Variants in FAM89A observed in about 807,000 individuals in gnomAD.
FAM89A encodes the protein family with sequence similarity 89 member A.
Under a neutral mutation model 7.1 loss-of-function variants are expected in FAM89A, and 10 were observed. The ratio of observed to expected loss-of-function variants is 1.40; its 90% CI spans 0.86 to 2.38. The LOEUF is 2.38. Ranked by LOEUF, FAM89A falls within the 30% of genes most tolerant of loss-of-function variation. The pLI, the probability that FAM89A is intolerant of heterozygous loss-of-function variation, is 0.00. For missense variants in FAM89A, 276 were observed against 262.8 expected, an observed-to-expected ratio of 1.05 and a Z score of -0.35; for synonymous variants, 157 against 129.3, an observed-to-expected ratio of 1.21 and a Z score of -1.45.
chr1:231,035,836 A>C (rs1680149583), intron 1 of FAM89A, among the ~76,000 whole-genome samples: 1 of 152,202 alleles, frequency 6.6e-6, no homozygotes, highest in Admixed American at 6.5e-5. Context: ...CATTTTTGCA[A>C]ACTGTCCTTT....
At chr1:231,037,944 C>G (rs1237586990) in intron 1 of FAM89A, among the ~76,000 whole-genome samples, 1 of 152,044 alleles carries the variant, frequency 6.6e-6, no homozygotes, top group African/African-American at 2.4e-5. Flanking sequence ...TGACGTCAGG[C>G]CTTCAATTTA....
chr1:231,019,947 G>A lies in FAM89A; in HGVS notation c.471C>T (p.Asp157=), dbSNP rs751532439. Residue 157 remains aspartate (D), a synonymous_variant, in exon 2 of 2, where the codon GAC becomes GAT. Coordinates refer to ENST00000366654, the MANE Select transcript of FAM89A (RefSeq NM_198552.3). The part of the protein sequence containing the change: ...EYFQEQNSLH[D]RRDRGPPRDL... ...CCCGAGGAGGGCCTCGGTCCCTCCT[G>A]TCGTGCAGGGAGTTCTGCTCCTGGA... is the stretch of plus-strand genomic sequence containing the variant. 6.2e-7 allele frequency: 1 copy of A among 1,614,190 alleles called. No individual in the cohort carries two copies.
chr1:231,023,225 G>A (rs920484350), intron 1 of FAM89A, among the ~76,000 whole-genome samples: 7 of 152,188 alleles, frequency 4.6e-5, no homozygotes, highest in East Asian at 1.9e-4. Context: ...ACCCCGTGCC[G>A]TTTATTTCAG....
chr1:231,026,807 C>T (rs1189517721), intron 1 of FAM89A: 1 of 152,160 alleles, frequency 6.6e-6, no homozygotes, highest in Non-Finnish European at 1.5e-5. Context: ...GCTCTGACGT[C>T]CCTATCTTTG....
intron 1 of FAM89A, among the ~76,000 whole-genome samples, chr1:231,025,197 C>T (rs1214538705): frequency 1.3e-5 from 2 of 152,164 alleles, no homozygotes; most frequent in Non-Finnish European, 2.9e-5. Flanking sequence ...GCTGGGATTA[C>T]AGGCGTGAGC....
At chr1:231,032,745 G>A (rs908479396) in intron 1 of FAM89A, among the ~76,000 whole-genome samples, 5 of 152,166 alleles carry the variant, frequency 3.3e-5, no homozygotes, top group African/African-American at 1.2e-4. Context: ...GCTTTCACCT[G>A]CATCTCAGTC....
chr1:231,021,017 G>A (rs1374320901), intron 1 of FAM89A, among the ~76,000 whole-genome samples: 1 of 152,160 alleles, frequency 6.6e-6, no homozygotes, highest in Non-Finnish European at 1.5e-5. Flanking sequence ...CCTTTAAAGT[G>A]CATGAGAACC....
At chr1:231,027,236 C>T (rs1369210120) in intron 1 of FAM89A, among the ~76,000 whole-genome samples, 2 of 152,112 alleles carry the variant, frequency 1.3e-5, no homozygotes, top group Non-Finnish European at 2.9e-5. Context: ...GTGATGCACC[C>T]GGCAGGGAGT....
At chr1:231,028,293 C>T (rs1680007469) in intron 1 of FAM89A, among the ~76,000 whole-genome samples, 1 of 152,192 alleles carries the variant, frequency 6.6e-6, no homozygotes, top group Admixed American at 6.5e-5. Flanking sequence ...GCCAAAGACA[C>T]CCAACCAAGT....
chr1:231,034,739 T>G (rs1363503211), intron 1 of FAM89A, among the ~76,000 whole-genome samples: 4 of 133,872 alleles, frequency 3.0e-5, no homozygotes, highest in Admixed American at 8.9e-5. Flanking sequence ...GCCACTGCAC[T>G]GCAGCCTGGG....
At chr1:231,035,872 T>C (rs1456275720) in intron 1 of FAM89A, among the ~76,000 whole-genome samples, 1 of 152,238 alleles carries the variant, frequency 6.6e-6, no homozygotes, top group African/African-American at 2.4e-5. Context: ...AGTGTCCGAC[T>C]CCATCCACAT....
intron 1 of FAM89A, among the ~76,000 whole-genome samples, chr1:231,037,023 C>T (rs1052073905): frequency 3.3e-5 from 5 of 152,072 alleles, no homozygotes; most frequent in Admixed American, 1.3e-4. Context: ...AATGTGCAGC[C>T]CAAAAAGCAA....
At chr1:231,038,961 G>A (rs1680203772) in intron 1 of FAM89A, among the ~76,000 whole-genome samples, 1 of 152,204 alleles carries the variant, frequency 6.6e-6, no homozygotes, top group African/African-American at 2.4e-5. Context: ...ACCTGGACGA[G>A]GTGAATGGAA....
chr1:231,027,806 C>T (rs1234117120), intron 1 of FAM89A, among the ~76,000 whole-genome samples: 1 of 152,204 alleles, frequency 6.6e-6, no homozygotes, highest in Non-Finnish European at 1.5e-5. Context: ...GAATGCTCCT[C>T]GACCACCCGC....
Position 231,019,913 on chromosome 1 carries a change from G to C in FAM89A, c.505C>G (p.Leu169Val). The stretch of plus-strand genomic sequence containing the variant: ...CTGCTGGAGAGGGAGGAGACAGGCA[G>C]TGACAAGTCCCGAGGAGGGCCTCGG... Reference protein sequence around the residue: ...RDRGPPRDLSLPVSSLSSSDW... With the variant: ...RDRGPPRDLSVPVSSLSSSDW... Residue 169 changes from leucine (L) to valine (V), a missense_variant, in exon 2 of 2, where the codon CTG becomes GTG. By Grantham distance (32) the Leu-to-Val change is conservative. Coordinates refer to ENST00000366654, the MANE Select transcript of FAM89A (RefSeq NM_198552.3). 1 of 1,614,234 alleles carries C rather than the reference G, an allele frequency of 6.2e-7. No homozygotes were observed. Among genetic ancestry groups the C allele is most frequent in the Non-Finnish European group, 8.5e-7 (1 of 1,180,054 alleles).
In FAM89A at chr1:231,040,165, ACCGCGCCGTTGCCCGCGGCCCCGGGCG is replaced by A; in HGVS notation, c.20_46del (p.Ala7_Ala15del). The A allele has an allele frequency of 8.3e-7, 1 of 1,200,946 alleles. No homozygotes were observed. Among genetic ancestry groups the A allele is most frequent in the Non-Finnish European group, 1.0e-6 (1 of 968,982 alleles). 74.4% of individuals were successfully genotyped at this position (1,200,946 alleles called of 1,614,324 possible). On this transcript the variant is annotated inframe_deletion, in exon 1 of 2. Coordinates refer to ENST00000366654, the MANE Select transcript of FAM89A (RefSeq NM_198552.3). ...CAGCCCGTCCACCCGCAGCCCCCGG[ACCGCGCCGTTGCCCGCGGCCCCGGGCG>A]CCGCCCGGGCCCCACTCATCGCGCC...
chr1:231,040,237 G>A lies in FAM89A; in HGVS notation c.-26C>T. The A allele has an allele frequency of 9.7e-7, 1 of 1,032,796 alleles. No individual in the cohort carries two copies. The highest frequency in any genetic ancestry group is 1.2e-6 in the Non-Finnish European group (1 of 863,098). 64.0% of individuals were successfully genotyped at this position (1,032,796 alleles called of 1,614,324 possible). A position where few individuals can be genotyped will look rare whatever the true frequency, so the allele number is the denominator to read the frequency against. On this transcript the variant is annotated 5_prime_UTR_variant, in exon 1 of 2. Coordinates refer to ENST00000366654, the MANE Select transcript of FAM89A (RefSeq NM_198552.3). The stretch of plus-strand genomic sequence containing the variant: ...CGCGCCGCGGCCCGGCCACGCGCCT[G>A]CCCCGCTGCAGCGAACCAAGGCTTT...
At chr1:231,025,220 C>T (rs912762956) in intron 1 of FAM89A, among the ~76,000 whole-genome samples, 2 of 152,174 alleles carry the variant, frequency 1.3e-5, no homozygotes, top group Non-Finnish European at 2.9e-5. Flanking sequence ...CCGTGCCCGG[C>T]CACCACAACT....
rs1233822456 is a variant in FAM89A at position 231,040,232 on chromosome 1, C to A, written c.-21G>T. The stretch of plus-strand genomic sequence containing the variant: ...CTCATCGCGCCGCGGCCCGGCCACG[C>A]GCCTGCCCCGCTGCAGCGAACCAAG... On this transcript the variant is annotated 5_prime_UTR_variant, in exon 1 of 2. Transcript: ENST00000366654. The A allele has an allele frequency of 6.8e-6, 7 of 1,035,872 alleles. No homozygotes were observed. In the Admixed American group the frequency reaches 1.7e-4, roughly 25 times the overall value. 64.2% of individuals were successfully genotyped at this position (1,035,872 alleles called of 1,614,324 possible).
Sources: allele counts gnomAD v4.1 joint callset (sites outside exome capture counted in the v4.1 genomes callset), GRCh38; gene constraint gnomAD v4.1.1; transcripts MANE v1.5; gene names NCBI Gene and HGNC (gene_info 2026-07-23, HGNC 2026-07-21).